CTNNA2: variants seen among roughly 807,000 people sequenced by gnomAD.
The protein encoded by CTNNA2 is catenin alpha 2.
In CTNNA2, 42 loss-of-function variants were observed where a neutral mutation model predicts 101.0. The ratio of observed to expected loss-of-function variants is 0.42; its 90% CI spans 0.32 to 0.54. The LOEUF (loss-of-function observed/expected upper bound fraction) is 0.54. Among genes scored for constraint, CTNNA2 ranks in the 20% least tolerant of loss-of-function variants. CTNNA2 has a pLI of 0.14. For missense variants in CTNNA2, 871 were observed against 1,223.1 expected, an observed-to-expected ratio of 0.71 and a Z score of 4.29; for synonymous variants, 450 against 456.4, an observed-to-expected ratio of 0.99 and a Z score of 0.18.
At chr2:79,616,620 C>G (rs1309215115) in intron 1 of CTNNA2, among the ~76,000 whole-genome samples, 1 of 152,186 alleles carries the variant, frequency 6.6e-6, no homozygotes. Context: ...TTCTAATTCA[C>G]CTACTCATGC....
intron 7 of CTNNA2, among the ~76,000 whole-genome samples, chr2:80,136,188 A>G (rs1702685612): frequency 6.6e-6 from 1 of 152,120 alleles, no homozygotes; most frequent in Admixed American, 6.6e-5. Context: ...ACTGTTCTTG[A>G]TGCATAATGA....
chr2:79,211,546 G>A (rs13406464), intron 2 of CTNNA2, among the ~76,000 whole-genome samples: 57,400 of 151,922 alleles, frequency 0.38, 12,669 homozygotes, highest in East Asian at 0.5. Flanking sequence ...CAGGAGTGGA[G>A]GTCACAAGAT....
intron 7 of CTNNA2, among the ~76,000 whole-genome samples, chr2:80,061,538 T>G (rs1182819512): frequency 6.6e-6 from 1 of 152,208 alleles, no homozygotes; most frequent in Non-Finnish European, 1.5e-5. Flanking sequence ...AACAAAAGTC[T>G]AACTAACTCA....
At chr2:80,171,268 G>A (rs958078215) in intron 7 of CTNNA2, among the ~76,000 whole-genome samples, 2 of 152,176 alleles carry the variant, frequency 1.3e-5, no homozygotes, top group Non-Finnish European at 2.9e-5. Context: ...TGCAATGGCC[G>A]GAAGCTGCTG....
chr2:79,689,264 G>A (rs1684133013), intron 2 of CTNNA2, among the ~76,000 whole-genome samples: 1 of 151,940 alleles, frequency 6.6e-6, no homozygotes, highest in Non-Finnish European at 1.5e-5. Flanking sequence ...CGACAGAGTT[G>A]TCACAGATCC....
intron 3 of CTNNA2, among the ~76,000 whole-genome samples, chr2:79,820,509 A>C (rs552407721): frequency 6.6e-6 from 1 of 152,332 alleles, no homozygotes; most frequent in African/African-American, 2.4e-5. Flanking sequence ...TTACTCATAA[A>C]GATTGAAGAA....
chr2:80,110,085 G>A (rs1396055238), intron 7 of CTNNA2, among the ~76,000 whole-genome samples: 2 of 152,134 alleles, frequency 1.3e-5, no homozygotes, highest in Non-Finnish European at 2.9e-5. Context: ...CATACAATAG[G>A]AGAGTGCCTT....
intron 2 of CTNNA2, among the ~76,000 whole-genome samples, chr2:79,682,410 CAAAAAAAAAAAA>C (rs10674928): frequency 8.2e-5 from 6 of 73,334 alleles, no homozygotes; most frequent in Non-Finnish European, 1.5e-4. Flanking sequence ...AACTCCATCT[CAAAAAAAAAAAA>C]AAAAAAAAAA....
intron 7 of CTNNA2, among the ~76,000 whole-genome samples, chr2:79,979,831 CA>C (rs1691130747): frequency 6.6e-6 from 1 of 152,102 alleles, no homozygotes; most frequent in African/African-American, 2.4e-5. Flanking sequence ...GCAACTAATG[CA>C]GAGAAAGGAG....
chr2:80,160,224 G>A (rs1046000472), intron 7 of CTNNA2, among the ~76,000 whole-genome samples: 2 of 152,120 alleles, frequency 1.3e-5, no homozygotes, highest in South Asian at 4.2e-4. Flanking sequence ...TCTCAATATT[G>A]AGTTAAATAG....
chr2:79,943,580 C>G (rs571432103), intron 7 of CTNNA2, among the ~76,000 whole-genome samples: 1 of 152,180 alleles, frequency 6.6e-6, no homozygotes, highest in Non-Finnish European at 1.5e-5. Flanking sequence ...CAAGAGGACA[C>G]TTGCCAGCTC....
intron 7 of CTNNA2, among the ~76,000 whole-genome samples, chr2:79,978,139 A>G (rs987272583): frequency 6.6e-6 from 1 of 152,140 alleles, no homozygotes; most frequent in Non-Finnish European, 1.5e-5. Flanking sequence ...CTTATGGAAG[A>G]GAAGGATAGT....
intron 18 of CTNNA2, among the ~76,000 whole-genome samples, chr2:80,634,989 C>T (rs912025278): frequency 1.3e-5 from 2 of 152,076 alleles, no homozygotes; most frequent in African/African-American, 2.4e-5. Context: ...GAACAGTCTA[C>T]AAGAAAAGGC....
chr2:80,643,808 G>C (rs1169439387), intron 18 of CTNNA2, among the ~76,000 whole-genome samples: 1 of 152,100 alleles, frequency 6.6e-6, no homozygotes, highest in Admixed American at 6.6e-5. Flanking sequence ...ATTTCCATAA[G>C]GGTGACTCAA....
At chr2:80,093,475 G>T (rs1221628543) in intron 7 of CTNNA2, among the ~76,000 whole-genome samples, 2 of 152,168 alleles carry the variant, frequency 1.3e-5, no homozygotes, top group Non-Finnish European at 1.5e-5. Context: ...ACGTGTGTAT[G>T]TGTCTTTATA....
At position 80,583,863 on chromosome 2, in the gene CTNNA2, A is replaced by G. The variant is rs1365025977; in HGVS notation, c.2007+2044A>G. Among the ~76,000 whole-genome samples the G allele has an allele frequency of 2.6e-5, 4 of 152,192 alleles. No homozygotes were observed. In the East Asian group the frequency reaches 7.8e-4, roughly 29 times the overall value. ...TCTTCACACTAGTGTCTTTTCTGAG[A>G]GTTTTTTTCAGCATGAATTATAAAC... On this transcript the variant is annotated intron_variant, in intron 14 of 18. Transcript: ENST00000402739.
chr2:80,239,397 T>C (rs547427034), intron 7 of CTNNA2, among the ~76,000 whole-genome samples: 3 of 152,160 alleles, frequency 2.0e-5, no homozygotes, highest in Non-Finnish European at 4.4e-5. Context: ...TTTGTGATTG[T>C]ATGTAGTGTG....
In CTNNA2 at chr2:79,553,307, C is replaced by T. The variant is rs373302737; in HGVS notation, c.-6+40100C>T. Among the ~76,000 whole-genome samples, 55 of 152,272 alleles carry T rather than the reference C, an allele frequency of 3.6e-4. 1 individual carries two copies. The East Asian group carries it at 7.0e-3, about 19-fold the overall frequency. On this transcript the variant is annotated intron_variant, in intron 1 of 18. Transcript: ENST00000402739. The stretch of plus-strand genomic sequence containing the variant: ...AAAACCATTCAACAAGTCTCTAGGA[C>T]GTTCCAAACTTGTTCACATCTTCCT...
At chr2:80,401,658 C>G (rs1217350772) in intron 8 of CTNNA2, among the ~76,000 whole-genome samples, 1 of 152,070 alleles carries the variant, frequency 6.6e-6, no homozygotes, top group Non-Finnish European at 1.5e-5. Flanking sequence ...CCCAGTCCCT[C>G]AGGTGGTATA....
Sources: gnomAD v4.1 joint callset for allele counts (sites outside exome capture counted in the v4.1 genomes callset) on GRCh38, gnomAD v4.1.1 for gene constraint, MANE v1.5 for transcripts, NCBI Gene and HGNC (gene_info 2026-07-23, HGNC 2026-07-21) for gene names.